Variants in CBX5 observed in about 807,000 individuals in gnomAD.
The protein encoded by CBX5 is chromobox 5, also known as chromobox protein homolog 5.
CBX5 carries 7 observed loss-of-function variants against 20.7 expected under a neutral mutation model. The observed-to-expected ratio is 0.34, with a 90% CI of 0.19 to 0.63. The LOEUF is 0.63. CBX5 is among the 30% of genes least tolerant of loss of function. The pLI is 0.75. For synonymous variants in CBX5, 78 were observed against 77.0 expected (o/e 1.01, Z -0.07); for missense variants, 110 against 224.1 (o/e 0.49, Z 3.25).
chr12:54,259,416 G>A (rs935125005), intron 1 of CBX5: 1 of 152,476 alleles, frequency 6.6e-6, no homozygotes, highest in Non-Finnish European at 1.5e-5. Flanking sequence ...TCTTCATTTT[G>A]AGGGAGAGAC....
chr12:54,249,267 G>A (rs904854910), intron 3 of CBX5, among the ~76,000 whole-genome samples: 1 of 152,068 alleles, frequency 6.6e-6, no homozygotes, highest in Non-Finnish European at 1.5e-5. Context: ...CTACTAGGGA[G>A]GGTGAAGCAG....
At chr12:54,244,194 C>T (rs921648378) in intron 4 of CBX5, among the ~76,000 whole-genome samples, 3 of 150,386 alleles carry the variant, frequency 2.0e-5, no homozygotes, top group Admixed American at 6.7e-5. Context: ...TTAGTAGACA[C>T]GGGGTTTCAC....
intron 1 of CBX5, among the ~76,000 whole-genome samples, chr12:54,267,653 A>G (rs979911379): frequency 2.0e-4 from 31 of 151,944 alleles, no homozygotes; most frequent in African/African-American, 7.5e-4. Context: ...CTGGAACTAC[A>G]GGCGCCCGCC....
chr12:54,245,338 CT>C (rs1192267756), intron 4 of CBX5, among the ~76,000 whole-genome samples: 1 of 151,870 alleles, frequency 6.6e-6, no homozygotes, highest in Non-Finnish European at 1.5e-5. Flanking sequence ...TCAAATTTAC[CT>C]TTTTTTCTGA....
rs1943678548 is a variant in CBX5 at position 54,241,718 on chromosome 12, T to C, written c.*37A>G. Reference sequence around the variant, plus strand: ...AGAGGAGGCAGGGAGGTGAATGTATTATGTACAAAGAGAAATGACAGAGAC... The same window carrying C: ...AGAGGAGGCAGGGAGGTGAATGTATCATGTACAAAGAGAAATGACAGAGAC... On this transcript the variant is annotated 3_prime_UTR_variant, in exon 5 of 5. Transcript: ENST00000209875. The C allele has an allele frequency of 6.3e-7, 1 of 1,589,640 alleles. No homozygotes were observed. The highest frequency in any genetic ancestry group is 1.4e-5 in the African/African-American group (1 of 73,524).
At chr12:54,261,366 G>A (rs1209515225) in intron 1 of CBX5, among the ~76,000 whole-genome samples, 2 of 150,552 alleles carry the variant, frequency 1.3e-5, no homozygotes, top group Non-Finnish European at 3.0e-5. Context: ...GCGCCATCTC[G>A]GCTTACTGCA....
At chr12:54,249,821 A>G (rs1349303714) in intron 3 of CBX5, among the ~76,000 whole-genome samples, 2 of 152,206 alleles carry the variant, frequency 1.3e-5, no homozygotes, top group Non-Finnish European at 2.9e-5. Flanking sequence ...TCATAAATAC[A>G]CTTCCCAAAC....
chr12:54,250,312 GAAACA>G (rs945019428), intron 3 of CBX5, among the ~76,000 whole-genome samples: 1 of 152,128 alleles, frequency 6.6e-6, no homozygotes, highest in African/African-American at 2.4e-5. Flanking sequence ...TCAGAAGGCT[GAAACA>G]GGAGAATCAC....
Position 54,240,476 on chromosome 12 carries a change from C to T in CBX5, c.*1279G>A, listed in dbSNP as rs1260255651. 2 of 152,192 alleles carry T rather than the reference C, an allele frequency of 1.3e-5. No individual in the cohort carries two copies. The highest frequency in any genetic ancestry group is 2.9e-5 in the Non-Finnish European group (2 of 68,058). The allele number at this position is 152,192 out of a possible 1,614,324, so 9.4% of individuals were successfully genotyped here. On this transcript the variant is annotated 3_prime_UTR_variant, in exon 5 of 5. Coordinates refer to ENST00000209875, the MANE Select transcript of CBX5 (RefSeq NM_012117.3). ...TTCTGGCTTCAAGCAATTCTCCTGC[C>T]TCAGCCTCCCAAAGTGCTGGGATTA...
At chr12:54,247,136 T>C (rs1266836071) in intron 3 of CBX5, among the ~76,000 whole-genome samples, 2 of 152,162 alleles carry the variant, frequency 1.3e-5, no homozygotes, top group Non-Finnish European at 2.9e-5. Context: ...AATACCTATA[T>C]GCTTGGTTAG....
rs1003349277 is a variant in CBX5 at position 54,234,745 on chromosome 12, A to G, written c.*7010T>C. ...TTTAACTCCTTCTCTTACTGACCTC[A>G]GAAACAAATAGCATTGGAGGATCAC... On this transcript the variant is annotated 3_prime_UTR_variant, in exon 5 of 5. Coordinates refer to ENST00000209875, the MANE Select transcript of CBX5 (RefSeq NM_012117.3). 1 of 152,248 alleles carries G rather than the reference A, an allele frequency of 6.6e-6. No homozygotes were observed. The highest frequency in any genetic ancestry group is 2.4e-5 in the African/African-American group (1 of 41,456). The allele number at this position is 152,248 out of a possible 1,614,324, so 9.4% of individuals were successfully genotyped here.
intron 2 of CBX5, among the ~76,000 whole-genome samples, chr12:54,254,878 A>G (rs1943848148): frequency 6.6e-6 from 1 of 152,068 alleles, no homozygotes; most frequent in African/African-American, 2.4e-5. Flanking sequence ...AAGTCAAGAA[A>G]AAAAATTCCT....
intron 1 of CBX5, among the ~76,000 whole-genome samples, chr12:54,264,081 C>T (rs1325166386): frequency 6.6e-6 from 1 of 152,162 alleles, no homozygotes; most frequent in African/African-American, 2.4e-5. Flanking sequence ...CAGCATTGAC[C>T]GTTTAATGCT....
At chr12:54,257,240 T>A (rs1260832901) in intron 2 of CBX5, among the ~76,000 whole-genome samples, 1 of 152,150 alleles carries the variant, frequency 6.6e-6, no homozygotes, top group Non-Finnish European at 1.5e-5. Context: ...GTTTGTATCA[T>A]AAGTGGTGGA....
At chr12:54,252,387 G>T in intron 2 of CBX5, 160 bp from the exon 3 acceptor site, 253 of 300,216 alleles carry the variant, frequency 8.4e-4, no homozygotes, top group Middle Eastern at 1.8e-3. Context: ...TTCTACCCAG[G>T]AAAAATGAAA....
chr12:54,259,739 G>A (rs922248418), intron 1 of CBX5: 1 of 152,732 alleles, frequency 6.5e-6, no homozygotes, highest in African/African-American at 2.4e-5. Context: ...AGACTGGGTG[G>A]AGAAATTGGA....
chr12:54,263,582 A>C, intron 1 of CBX5, among the ~76,000 whole-genome samples: 1 of 151,392 alleles, frequency 6.6e-6, no homozygotes, highest in East Asian at 2.0e-4. Context: ...AAGACACAAA[A>C]AAATTAGTCA....
intron 4 of CBX5, among the ~76,000 whole-genome samples, chr12:54,243,388 T>G (rs1161187120): frequency 6.6e-6 from 1 of 151,482 alleles, no homozygotes; most frequent in Non-Finnish European, 1.5e-5. Flanking sequence ...GAAGACCTGG[T>G]CTCTTCAAAA....
chr12:54,278,346 T>C (rs1194714068), intron 1 of CBX5, among the ~76,000 whole-genome samples: 5 of 152,220 alleles, frequency 3.3e-5, no homozygotes, highest in Non-Finnish European at 7.3e-5. Context: ...ATCACTTTAG[T>C]TCTCAGAAGC....
Sources: gnomAD v4.1 joint callset for allele counts (sites outside exome capture counted in the v4.1 genomes callset) on GRCh38, gnomAD v4.1.1 for gene constraint, MANE v1.5 for transcripts, NCBI Gene and HGNC (gene_info 2026-07-23, HGNC 2026-07-21) for gene names.